Variants in MTCH2 observed in about 807,000 individuals in gnomAD.
The protein encoded by MTCH2 is mitochondrial carrier homolog 2.
Under a neutral mutation model 50.6 loss-of-function variants are expected in MTCH2, and 25 were observed. The ratio of observed to expected loss-of-function variants is 0.49; its 90% CI spans 0.36 to 0.69. MTCH2 has a LOEUF of 0.69. Among genes scored for constraint, MTCH2 ranks in the 30% least tolerant of loss-of-function variants. The probability of loss-of-function intolerance (pLI) is 0.00; values close to 1 mark genes in which losing one functional copy is unlikely to be tolerated. For synonymous variants in MTCH2, 106 were observed against 132.0 expected, an observed-to-expected ratio of 0.80 and a Z score of 1.35; for missense variants, 273 against 384.4, an observed-to-expected ratio of 0.71 and a Z score of 2.42.
At chr11:47,624,251 C>CA (rs2097296002) in intron 11 of MTCH2, among the ~76,000 whole-genome samples, 1 of 144,684 alleles carries the variant, frequency 6.9e-6, no homozygotes. Context: ...AAAAAAAAGG[C>CA]AAAATTTTGC....
intron 5 of MTCH2, among the ~76,000 whole-genome samples, chr11:47,632,630 T>C (rs1410024605): frequency 6.6e-6 from 1 of 152,064 alleles, no homozygotes; most frequent in Non-Finnish European, 1.5e-5. Context: ...ACTGCTGGGA[T>C]TACAGGCATG....
At chr11:47,638,838 C>T (rs375199298) in intron 2 of MTCH2, 33 bp from the exon 3 acceptor site, 15 of 1,547,176 alleles carry the variant, frequency 9.7e-6, no homozygotes, top group Non-Finnish European at 1.3e-5. Flanking sequence ...TTGTCAAGTT[C>T]TGGTCAAGAG....
downstream of MTCH2, among the ~76,000 whole-genome samples, chr11:47,613,631 A>G (rs530641342): frequency 8.1e-4 from 124 of 152,300 alleles, 2 homozygotes; most frequent in South Asian, 0.014. Flanking sequence ...TAGTCTAGAA[A>G]AGTAATGGTG....
chr11:47,620,632 C>T (rs566756733), intron 12 of MTCH2, among the ~76,000 whole-genome samples: 7 of 152,002 alleles, frequency 4.6e-5, no homozygotes, highest in Admixed American at 2.6e-4. Context: ...CCAGCCTGGG[C>T]GACAGAGCTT....
chr11:47,631,707 GT>G lies in MTCH2; in HGVS notation c.373del (p.Thr125LeufsTer4), dbSNP rs2097303217. The G allele has an allele frequency of 6.2e-7, 1 of 1,613,950 alleles. No homozygotes were observed. Among genetic ancestry groups the G allele is most frequent in the African/African-American group, 1.3e-5 (1 of 74,906 alleles). On this transcript the variant is annotated frameshift_variant, in exon 6 of 13. Coordinates refer to ENST00000302503, the MANE Select transcript of MTCH2 (RefSeq NM_014342.4). LOFTEE classifies it high-confidence loss of function. ...SSFDHVIKET[T>X]REMIARSAAT... is the part of the protein sequence containing the mutation. ...AGCAGAACGAGCGATCATCTCTCGA[GT>G]TGTCTAGAAACAATCAACACACACT... is the stretch of plus-strand genomic sequence containing the variant.
In MTCH2 at chr11:47,636,054, G is replaced by A. The variant is rs1813857043; in HGVS notation, c.280-483C>T. On this transcript the variant is annotated intron_variant, in intron 3 of 12. Coordinates refer to ENST00000302503, the MANE Select transcript of MTCH2 (RefSeq NM_014342.4). ...GGGGCAGGAGAATCACTTGAACCCA[G>A]GAGGCAGAGGTTGCAGTGAGCCAAG... 2.6e-5 allele frequency among the ~76,000 whole-genome samples: 4 copies of A among 152,102 alleles called. No individual in the cohort carries two copies. In the South Asian group the frequency reaches 8.3e-4, roughly 32 times the overall value.
intron 1 of MTCH2, among the ~76,000 whole-genome samples, chr11:47,640,139 G>A (rs2097312693): frequency 6.6e-6 from 1 of 152,024 alleles, no homozygotes; most frequent in African/African-American, 2.4e-5. Context: ...GACCAGCCTG[G>A]CCAACATGGT....
At chr11:47,636,174 C>T (rs1005299205) in intron 3 of MTCH2, among the ~76,000 whole-genome samples, 2 of 151,866 alleles carry the variant, frequency 1.3e-5, no homozygotes, top group African/African-American at 2.4e-5. Flanking sequence ...TAGCTCACGC[C>T]TATAATCTCA....
At chr11:47,609,626 C>CAAAA in the MTCH2 span, among the ~76,000 whole-genome samples, 291 of 88,080 alleles carry the variant, frequency 3.3e-3, 1 homozygote, top group African/African-American at 7.1e-3. Context: ...GACTCTGTCT[C>CAAAA]AAAAAAAAAA....
At chr11:47,639,133 A>T in intron 1 of MTCH2, 82 bp from the exon 2 acceptor site, 4 of 1,236,924 alleles carry the variant, frequency 3.2e-6, no homozygotes, top group Middle Eastern at 1.9e-4. Flanking sequence ...TAAAGAACAC[A>T]ATTTGGGTTA....
Position 47,617,600 on chromosome 11 carries a change from T to A in MTCH2, c.*1233A>T, listed in dbSNP as rs1397102334. On this transcript the variant is annotated 3_prime_UTR_variant, in exon 13 of 13. Transcript: ENST00000302503. ...TCTCAGAAGCAGCGAATTAAGTGCT[T>A]ACTCATTTGGCAATGTCCCAGTGAG... is the stretch of plus-strand genomic sequence containing the variant. The A allele has an allele frequency of 6.6e-6, 1 of 152,620 alleles. No individual in the cohort carries two copies. Among genetic ancestry groups the A allele is most frequent in the Non-Finnish European group, 1.5e-5 (1 of 68,028 alleles). 9.5% of individuals were successfully genotyped at this position (152,620 alleles called of 1,614,324 possible).
the MTCH2 span, among the ~76,000 whole-genome samples, chr11:47,604,801 A>G: frequency 2.6e-5 from 4 of 152,208 alleles, no homozygotes; most frequent in Non-Finnish European, 4.4e-5. Flanking sequence ...ACAACATACC[A>G]CCATTTATGT....
In MTCH2 at chr11:47,634,724, G is replaced by A. The variant is rs191499924; in HGVS notation, c.317C>T (p.Pro106Leu). ...QESDKGEELG[P>L]GNVQKEVSSS... ...TGAGACTTCTTTCTGTACATTTCCA[G>A]GTCCTAACTCCTGGAAATCAAAATC... The change falls in exon 5 of 13, where the codon CCT becomes CTT. Residue 106 changes from proline (P) to leucine (L), a missense_variant. Physicochemically the swap from Pro to Leu is moderately conservative, Grantham distance 98. Transcript: ENST00000302503. 1.1e-5 allele frequency: 17 copies of A among 1,601,908 alleles called. No homozygotes were observed. The Admixed American group carries it at 2.9e-4, about 27-fold the overall frequency.
chr11:47,625,227 C>A (rs2097296885), intron 11 of MTCH2, among the ~76,000 whole-genome samples: 1 of 151,766 alleles, frequency 6.6e-6, no homozygotes, highest in African/African-American at 2.4e-5. Flanking sequence ...TCGAGACCAG[C>A]CTGGCCAACA....
At chr11:47,638,515 C>T (rs2153800966) in intron 3 of MTCH2, among the ~76,000 whole-genome samples, 184 bp downstream of exon 3, 1 of 111,634 alleles carries the variant, frequency 9.0e-6, no homozygotes, top group East Asian at 2.5e-4. Flanking sequence ...CACTACACTC[C>T]AGCCTGGGCG....
At position 47,628,936 on chromosome 11, in the gene MTCH2, C is replaced by T. The variant is rs374437475; in HGVS notation, c.633+17G>A. On this transcript the variant is annotated intron_variant, in intron 9 of 12. Transcript: ENST00000302503. ...TTAAAGCCAAGGTGAGCACATCTCA[C>T]GAAGGTCACAACCTACCCCACTGTC... 81 of 1,606,982 alleles carry T rather than the reference C, an allele frequency of 5.0e-5. No individual in the cohort carries two copies. Among genetic ancestry groups the T allele is most frequent in the Non-Finnish European group, 6.4e-5 (75 of 1,174,098 alleles).
At chr11:47,628,809 C>A (rs928013913) in intron 9 of MTCH2, 144 bp downstream of exon 9, 2 of 608,986 alleles carry the variant, frequency 3.3e-6, no homozygotes, top group African/African-American at 3.7e-5. Context: ...AACTCTTGAT[C>A]TCAGGTGATC....
chr11:47,610,459 CTT>C, the MTCH2 span, among the ~76,000 whole-genome samples: 4 of 152,242 alleles, frequency 2.6e-5, no homozygotes, highest in East Asian at 7.7e-4. Context: ...AATCCTAGCA[CTT>C]TGGGAGGCCG....
chr11:47,629,243 G>A lies in MTCH2; in HGVS notation c.540-197C>T, dbSNP rs2097300815. On this transcript the variant is annotated intron_variant, in intron 8 of 12. Transcript: ENST00000302503. ...CAGCTGTACTTGAAGCTGATCTCCA[G>A]TGACTTTTGTTCCTATGTTTAAAAT... 16 of 541,914 alleles carry A rather than the reference G, an allele frequency of 3.0e-5. No individual in the cohort carries two copies. The South Asian group carries it at 3.0e-4, about 10-fold the overall frequency. The allele number at this position is 541,914 out of a possible 1,614,324, so 33.6% of individuals were successfully genotyped here. A position where few individuals can be genotyped will look rare whatever the true frequency, so the allele number is the denominator to read the frequency against.
Sources: gnomAD v4.1 joint callset for allele counts (sites outside exome capture counted in the v4.1 genomes callset) on GRCh38, gnomAD v4.1.1 for gene constraint, MANE v1.5 for transcripts, NCBI Gene and HGNC (gene_info 2026-07-23, HGNC 2026-07-21) for gene names.